WWC2: variants seen among roughly 807,000 people sequenced by gnomAD.
WWC2 encodes the protein protein WWC2.
A neutral mutation model predicts 138.5 loss-of-function variants in WWC2; 101 were observed. The observed-to-expected ratio is 0.73, with a 90% CI of 0.62 to 0.86. The LOEUF (loss-of-function observed/expected upper bound fraction) is 0.86. Ranked by LOEUF, WWC2 falls within the 40% of genes least tolerant of loss-of-function variation. The pLI, the probability that WWC2 is intolerant of heterozygous loss-of-function variation, is 0.00. For missense variants in WWC2, 1,420 were observed against 1,419.4 expected (o/e 1.00, Z -0.01); for synonymous variants, 558 against 538.4 (o/e 1.04, Z -0.50).
intron 16 of WWC2, among the ~76,000 whole-genome samples, chr4:183,280,101 C>G (rs2871354): frequency 4.0e-5 from 6 of 151,854 alleles, no homozygotes; most frequent in African/African-American, 1.5e-4. Flanking sequence ...TTCTATTCTT[C>G]TGAAAGGCAA....
At chr4:183,297,371 A>T (rs934708722) in intron 21 of WWC2, among the ~76,000 whole-genome samples, 1 of 151,018 alleles carries the variant, frequency 6.6e-6, no homozygotes, top group African/African-American at 2.4e-5. Flanking sequence ...GATCCTAAGG[A>T]TCTTTCTGTT....
At chr4:183,252,129 A>G (rs976576542) in intron 8 of WWC2, among the ~76,000 whole-genome samples, 1 of 152,228 alleles carries the variant, frequency 6.6e-6, no homozygotes, top group African/African-American at 2.4e-5. Context: ...GCACAAAGGT[A>G]TAGATCTACT....
chr4:183,214,321 A>G (rs1287965579), intron 4 of WWC2, among the ~76,000 whole-genome samples: 1 of 152,212 alleles, frequency 6.6e-6, no homozygotes. Flanking sequence ...TGATGAGCTT[A>G]GAAAAGTCAT....
At position 183,319,506 on chromosome 4, in the gene WWC2, C is replaced by T; in HGVS notation, c.*3777C>T. 5 of 1,519,772 alleles carry T rather than the reference C, an allele frequency of 3.3e-6. No individual in the cohort carries two copies. Among genetic ancestry groups the T allele is most frequent in the Non-Finnish European group, 4.4e-6 (5 of 1,129,480 alleles). The allele number at this position is 1,519,772 out of a possible 1,614,324, so 94.1% of individuals were successfully genotyped here. A position where few individuals can be genotyped will look rare whatever the true frequency, so the allele number is the denominator to read the frequency against. On this transcript the variant is annotated 3_prime_UTR_variant, in exon 23 of 23. Coordinates refer to ENST00000403733, the MANE Select transcript of WWC2 (RefSeq NM_024949.6). ...ACTAGAGCGGGACATCCTACCAAAT[C>T]CAGTGTTGAGCAAGCGTCTCCTGAA...
chr4:183,195,765 A>C (rs1735124262), intron 2 of WWC2, among the ~76,000 whole-genome samples: 1 of 152,058 alleles, frequency 6.6e-6, no homozygotes, highest in African/African-American at 2.4e-5. Flanking sequence ...TCACAGCCAG[A>C]CTTGCTGAAA....
chr4:183,175,172 T>C (rs1734427026), intron 1 of WWC2, among the ~76,000 whole-genome samples: 1 of 152,192 alleles, frequency 6.6e-6, no homozygotes, highest in African/African-American at 2.4e-5. Context: ...AAAAAATAGT[T>C]CCATAACATC....
At chr4:183,147,555 G>T (rs1339580664) in intron 1 of WWC2, among the ~76,000 whole-genome samples, 5 of 152,186 alleles carry the variant, frequency 3.3e-5, no homozygotes, top group African/African-American at 1.2e-4. Flanking sequence ...TACACCAAGT[G>T]AATTTCAGAG....
At chr4:183,133,032 CTT>C (rs1732978963) in intron 1 of WWC2, among the ~76,000 whole-genome samples, 4 of 146,118 alleles carry the variant, frequency 2.7e-5, no homozygotes, top group East Asian at 2.0e-4. Context: ...CCTTTTTTTC[CTT>C]TTCTTTTCCC....
At chr4:183,282,281 G>A (rs1267239192) in intron 17 of WWC2, among the ~76,000 whole-genome samples, 2 of 152,158 alleles carry the variant, frequency 1.3e-5, no homozygotes, top group African/African-American at 4.8e-5. Flanking sequence ...GCTCGACTGT[G>A]AGTACACTCA....
intron 1 of WWC2, among the ~76,000 whole-genome samples, chr4:183,156,283 C>T (rs925780647): frequency 1.3e-5 from 2 of 151,268 alleles, no homozygotes; most frequent in Admixed American, 1.3e-4. Context: ...ACCTCAGCCT[C>T]CTAAAGTGTT....
chr4:183,171,699 C>T (rs1007126882), intron 1 of WWC2, among the ~76,000 whole-genome samples: 1 of 152,186 alleles, frequency 6.6e-6, no homozygotes, highest in Non-Finnish European at 1.5e-5. Context: ...ACCCACTACT[C>T]TCCCCCACAC....
At chr4:183,264,762 C>T (rs1441696270) in intron 11 of WWC2, among the ~76,000 whole-genome samples, 1 of 152,198 alleles carries the variant, frequency 6.6e-6, no homozygotes, top group Admixed American at 6.5e-5. Flanking sequence ...AAACCATATT[C>T]TCTTCCAAGT....
At chr4:183,266,699 C>G (rs187409346) in intron 14 of WWC2, among the ~76,000 whole-genome samples, 51 of 152,312 alleles carry the variant, frequency 3.3e-4, no homozygotes, top group African/African-American at 1.2e-3. Context: ...CATGTCCACT[C>G]TGCATTGAAA....
At chr4:183,160,347 C>T (rs561967812) in intron 1 of WWC2, among the ~76,000 whole-genome samples, 2 of 151,956 alleles carry the variant, frequency 1.3e-5, no homozygotes, top group South Asian at 2.1e-4. Context: ...AAAAGTGCAG[C>T]GAAGAAATGA....
intron 1 of WWC2, 21 bp downstream of exon 1, chr4:183,099,643 C>T (rs1397342714): frequency 2.3e-6 from 3 of 1,296,154 alleles, no homozygotes; most frequent in Non-Finnish European, 3.0e-6. Flanking sequence ...GCCGCGGGGG[C>T]GCGGGCCCGT....
At chr4:183,152,530 TAA>T (rs572757609) in intron 1 of WWC2, among the ~76,000 whole-genome samples, 38 of 126,242 alleles carry the variant, frequency 3.0e-4, no homozygotes, top group East Asian at 9.2e-4. Flanking sequence ...AAGTGAAACT[TAA>T]AAAAAAAAAA....
rs934057099 is a variant in WWC2 at position 183,234,610 on chromosome 4, A to C, written c.523-5573A>C. Among the ~76,000 whole-genome samples the C allele has an allele frequency of 3.9e-5, 6 of 152,220 alleles. No homozygotes were observed. The East Asian group carries it at 1.2e-3, about 29-fold the overall frequency. On this transcript the variant is annotated intron_variant, in intron 4 of 22. Coordinates refer to ENST00000403733, the MANE Select transcript of WWC2 (RefSeq NM_024949.6). ...ATTTTTAGAAGTTCTCCTGGGTTCT[A>C]GATAGACTGTGATAGCAGGGTAACC...
At chr4:183,110,933 C>A (rs377419345) in intron 1 of WWC2, among the ~76,000 whole-genome samples, 3 of 151,754 alleles carry the variant, frequency 2.0e-5, no homozygotes, top group Non-Finnish European at 2.9e-5. Context: ...TGCTACAAAC[C>A]CCTGATTAAA....
intron 1 of WWC2, among the ~76,000 whole-genome samples, chr4:183,150,470 C>T (rs544654202): frequency 5.9e-5 from 9 of 152,170 alleles, no homozygotes; most frequent in African/African-American, 2.2e-4. Context: ...ATCTCAAAAT[C>T]AGAGTTTTAC....
Sources: gnomAD v4.1 joint callset for allele counts (sites outside exome capture counted in the v4.1 genomes callset) on GRCh38, gnomAD v4.1.1 for gene constraint, MANE v1.5 for transcripts, NCBI Gene and HGNC (gene_info 2026-07-23, HGNC 2026-07-21) for gene names.